SLC44A1: variants seen among roughly 807,000 people sequenced by gnomAD.
SLC44A1 encodes the protein choline transporter-like protein 1.
Under a neutral mutation model 79.3 loss-of-function variants are expected in SLC44A1, and 26 were observed. That is an observed-to-expected ratio of 0.33 (90% CI 0.24 to 0.46). The LOEUF (loss-of-function observed/expected upper bound fraction) is 0.46, where lower values mean the gene tolerates loss of function less well. Among genes scored for constraint, SLC44A1 ranks in the 20% least tolerant of loss-of-function variants. The pLI, the probability that SLC44A1 is intolerant of heterozygous loss-of-function variation, is 1.00. For synonymous variants in SLC44A1, 263 were observed against 286.2 expected (o/e 0.92, Z 0.82); for missense variants, 688 against 798.1 (o/e 0.86, Z 1.66).
chr9:105,315,812 C>T (rs7022737), intron 3 of SLC44A1, among the ~76,000 whole-genome samples: 18,185 of 152,142 alleles, frequency 0.12, 3,051 homozygotes, highest in African/African-American at 0.38. Flanking sequence ...ATCAGCTAAG[C>T]ACTTGTACAG....
intron 15 of SLC44A1, among the ~76,000 whole-genome samples, chr9:105,426,293 A>G (rs1829322018): frequency 6.6e-6 from 1 of 152,176 alleles, no homozygotes; most frequent in African/African-American, 2.4e-5. Context: ...GCACTGCATT[A>G]TTTCTAAGGT....
intron 15 of SLC44A1, among the ~76,000 whole-genome samples, chr9:105,414,055 T>C (rs1829134179): frequency 6.6e-6 from 1 of 151,836 alleles, no homozygotes; most frequent in South Asian, 2.1e-4. Context: ...GTTTGGTTTT[T>C]TTTTTTTTTG....
intron 5 of SLC44A1, among the ~76,000 whole-genome samples, 155 bp downstream of exon 5, chr9:105,348,606 A>AT (rs1174011191): frequency 6.6e-6 from 1 of 152,152 alleles, no homozygotes; most frequent in African/African-American, 2.4e-5. Flanking sequence ...TAGAAATGAC[A>AT]TTATATATTT....
chr9:105,352,276 A>G (rs1280647614), intron 5 of SLC44A1, among the ~76,000 whole-genome samples: 1 of 152,114 alleles, frequency 6.6e-6, no homozygotes, highest in Admixed American at 6.5e-5. Context: ...ATCATGTGTA[A>G]TTGTTTATTT....
intron 15 of SLC44A1, among the ~76,000 whole-genome samples, chr9:105,388,739 G>C (rs1042999204): frequency 6.6e-5 from 10 of 152,184 alleles, no homozygotes; most frequent in Admixed American, 2.0e-4. Context: ...TTTTCTGACT[G>C]TCTGCTTGCT....
intron 2 of SLC44A1, among the ~76,000 whole-genome samples, chr9:105,303,955 C>G (rs540846420): frequency 3.3e-5 from 5 of 152,016 alleles, no homozygotes; most frequent in Non-Finnish European, 7.4e-5. Context: ...TGTGTGCCAT[C>G]TAGTAGATAA....
intron 1 of SLC44A1, among the ~76,000 whole-genome samples, chr9:105,246,493 CTA>C (rs1264954693): frequency 6.7e-6 from 1 of 148,740 alleles, no homozygotes; most frequent in Non-Finnish European, 1.5e-5. Context: ...CAAAGTAAAA[CTA>C]TACGTAGAGG....
chr9:105,370,674 G>C (rs1828068599), intron 12 of SLC44A1, among the ~76,000 whole-genome samples: 1 of 152,186 alleles, frequency 6.6e-6, no homozygotes, highest in African/African-American at 2.4e-5. Flanking sequence ...TGGAAGTGTT[G>C]GGCATTCTCC....
intron 1 of SLC44A1, among the ~76,000 whole-genome samples, chr9:105,278,568 A>G (rs1231773716): frequency 1.3e-5 from 2 of 151,596 alleles, no homozygotes; most frequent in Non-Finnish European, 1.5e-5. Context: ...TTTAGTAGAG[A>G]CTGGGTTTCA....
rs1828814725 is a variant in SLC44A1 at position 105,393,651 on chromosome 9, T to C, written c.*4595T>C. On this transcript the variant is annotated 3_prime_UTR_variant, in exon 16 of 16. Coordinates refer to ENST00000374720, the MANE Select transcript of SLC44A1 (RefSeq NM_080546.5). ...GTAGTGCCCTTTCTTCCCATCTTGA[T>C]TTTGTACATGTAAAGACAAATGATG... 1 of 984,502 alleles carries C rather than the reference T, an allele frequency of 1.0e-6. No individual in the cohort carries two copies. Among genetic ancestry groups the C allele is most frequent in the Non-Finnish European group, 1.2e-6 (1 of 829,180 alleles). The allele number at this position is 984,502 out of a possible 1,614,324, so 61.0% of individuals were successfully genotyped here.
chr9:105,413,449 G>C (rs1829124591), intron 15 of SLC44A1, among the ~76,000 whole-genome samples: 1 of 152,152 alleles, frequency 6.6e-6, no homozygotes, highest in Non-Finnish European at 1.5e-5. Context: ...GGCCTGTCTG[G>C]AATGCAGATG....
intron 15 of SLC44A1, chr9:105,385,713 A>C (rs1828610108): frequency 1.0e-6 from 1 of 985,304 alleles, no homozygotes. Context: ...AGTAAGCTGA[A>C]AGGAACAGCA....
intron 15 of SLC44A1, among the ~76,000 whole-genome samples, chr9:105,429,711 T>G (rs1051958172): frequency 6.6e-6 from 1 of 152,184 alleles, no homozygotes; most frequent in Non-Finnish European, 1.5e-5. Context: ...AGATTAATCA[T>G]CATCCAAGAT....
intron 1 of SLC44A1, among the ~76,000 whole-genome samples, chr9:105,271,349 C>T (rs1830071724): frequency 6.6e-6 from 1 of 152,192 alleles, no homozygotes; most frequent in Admixed American, 6.5e-5. Context: ...TCATTCCTCT[C>T]CTATGTTCCC....
At chr9:105,404,047 GA>G (rs1328932489) in intron 15 of SLC44A1, among the ~76,000 whole-genome samples, 1 of 151,832 alleles carries the variant, frequency 6.6e-6, no homozygotes, top group African/African-American at 2.4e-5. Flanking sequence ...TCTGGGCCAG[GA>G]AAACAAAGTG....
intron 15 of SLC44A1, among the ~76,000 whole-genome samples, chr9:105,434,678 G>C (rs1414453223): frequency 6.6e-6 from 1 of 152,174 alleles, no homozygotes; most frequent in Non-Finnish European, 1.5e-5. Context: ...AGGAAGCTTT[G>C]AACTGAATCT....
At chr9:105,278,405 C>T (rs530850499) in intron 1 of SLC44A1, among the ~76,000 whole-genome samples, 22 of 152,154 alleles carry the variant, frequency 1.4e-4, no homozygotes, top group Admixed American at 3.9e-4. Context: ...CCCGCCACCA[C>T]GCCCGGTTAA....
At chr9:105,259,534 T>A (rs1345942467) in intron 1 of SLC44A1, among the ~76,000 whole-genome samples, 1 of 152,226 alleles carries the variant, frequency 6.6e-6, no homozygotes, top group Non-Finnish European at 1.5e-5. Context: ...CTGGAATTTT[T>A]AAAATAATAA....
intron 4 of SLC44A1, among the ~76,000 whole-genome samples, chr9:105,337,881 G>C (rs1009640866): frequency 9.2e-5 from 14 of 152,200 alleles, no homozygotes; most frequent in African/African-American, 3.1e-4. Context: ...ATATGATACT[G>C]ACTGTGGCCT....
Sources: gnomAD v4.1 joint callset for allele counts (sites outside exome capture counted in the v4.1 genomes callset) on GRCh38, gnomAD v4.1.1 for gene constraint, MANE v1.5 for transcripts, NCBI Gene and HGNC (gene_info 2026-07-23, HGNC 2026-07-21) for gene names.